The following OXNAD1 variants were observed in gnomAD, a reference collection of about 807,000 sequenced individuals.
OXNAD1 encodes oxidoreductase NAD binding domain containing 1.
Under a neutral mutation model 32.9 loss-of-function variants are expected in OXNAD1, and 34 were observed. The ratio of observed to expected loss-of-function variants is 1.03; its 90% CI spans 0.79 to 1.38. The LOEUF (loss-of-function observed/expected upper bound fraction) is 1.38. OXNAD1 is among the 40% of genes most tolerant of loss of function. The pLI is 0.00. For missense variants in OXNAD1, 407 were observed against 379.4 expected, an observed-to-expected ratio of 1.07 and a Z score of -0.60; for synonymous variants, 134 against 135.2, an observed-to-expected ratio of 0.99 and a Z score of 0.06.
At chr3:16,292,106 T>G (rs1163638857) in intron 5 of OXNAD1, among the ~76,000 whole-genome samples, 2 of 152,106 alleles carry the variant, frequency 1.3e-5, no homozygotes, top group Admixed American at 1.3e-4. Flanking sequence ...GTAAGAGTTC[T>G]TTATATAATC....
At chr3:16,341,446 T>C (rs947302056), downstream of OXNAD1, among the ~76,000 whole-genome samples, 1 of 152,168 alleles carries the variant, frequency 6.6e-6, no homozygotes, top group Non-Finnish European at 1.5e-5. The surrounding 1 kb of genome is among the most constrained non-coding windows in gnomAD (Gnocchi z 4.7). Flanking sequence ...AGTGGAACCA[T>C]ACAATGAAAT....
At position 16,271,555 on chromosome 3, in the gene OXNAD1, A is replaced by G; in HGVS notation, c.120-104A>G. 1 of 968,988 alleles carries G rather than the reference A, an allele frequency of 1.0e-6. No homozygotes were observed. The highest frequency in any genetic ancestry group is 1.8e-5 in the South Asian group (1 of 55,584). The allele number at this position is 968,988 out of a possible 1,614,324, so 60.0% of individuals were successfully genotyped here. A position where few individuals can be genotyped will look rare whatever the true frequency, so the allele number is the denominator to read the frequency against. On this transcript the variant is annotated intron_variant, in intron 3 of 8. Transcript: ENST00000285083. The surrounding 1 kb of genome is among the most constrained non-coding windows in gnomAD (Gnocchi z 4.6). ...TCACTGGCCATTTTATAGGATCTGT[A>G]ATGTTACACTGTATTTAGGATAACC...
chr3:16,295,718 C>A (rs1009908938), intron 6 of OXNAD1, among the ~76,000 whole-genome samples: 1 of 152,084 alleles, frequency 6.6e-6, no homozygotes, highest in Non-Finnish European at 1.5e-5. Context: ...GCAAGAGTGT[C>A]TTCTATATTT....
Position 16,305,501 on chromosome 3 carries a change from G to A in OXNAD1, c.*1939G>A, listed in dbSNP as rs2067487383. Reference sequence around the variant, plus strand: ...TTCATCCTTTCAGTGCCATTATTCTGGTGCTAAGTGCTGAAGAACATTTTC... The same window carrying A: ...TTCATCCTTTCAGTGCCATTATTCTAGTGCTAAGTGCTGAAGAACATTTTC... On this transcript the variant is annotated 3_prime_UTR_variant, in exon 9 of 9. Coordinates refer to ENST00000285083, the MANE Select transcript of OXNAD1 (RefSeq NM_138381.5). The surrounding 1 kb of genome is among the most constrained non-coding windows in gnomAD (Gnocchi z 4.5). 6.6e-6 allele frequency: 1 copy of A among 152,194 alleles called. No individual in the cohort carries two copies. The allele number at this position is 152,194 out of a possible 1,614,324, so 9.4% of individuals were successfully genotyped here.
At chr3:16,310,532 A>T (rs934052313), downstream of OXNAD1, among the ~76,000 whole-genome samples, 1 of 152,246 alleles carries the variant, frequency 6.6e-6, no homozygotes, top group Admixed American at 6.5e-5. Flanking sequence ...ACATTAAAGG[A>T]TGAAAAGCCA....
chr3:16,294,633 T>C lies in OXNAD1; in HGVS notation c.291-223T>C, dbSNP rs576178606. Among the ~76,000 whole-genome samples the C allele has an allele frequency of 2.6e-5, 4 of 152,358 alleles. No homozygotes were observed. In the East Asian group the frequency reaches 5.8e-4, roughly 22 times the overall value. On this transcript the variant is annotated intron_variant, in intron 5 of 8. Coordinates refer to ENST00000285083, the MANE Select transcript of OXNAD1 (RefSeq NM_138381.5). Reference sequence around the variant, plus strand: ...TTGGTAGTTTATGTCATTTTAGGAATGTGTGCATTTCATGTAAGTTAGCTA... The same window carrying C: ...TTGGTAGTTTATGTCATTTTAGGAACGTGTGCATTTCATGTAAGTTAGCTA...
At chr3:16,269,734 A>C (rs1377082303) in intron 2 of OXNAD1, among the ~76,000 whole-genome samples, 1 of 152,224 alleles carries the variant, frequency 6.6e-6, no homozygotes, top group Non-Finnish European at 1.5e-5. Flanking sequence ...ATGAATATGG[A>C]GTAGGAATGT....
intron 4 of OXNAD1, among the ~76,000 whole-genome samples, chr3:16,282,990 AT>A (rs1207160603): frequency 6.6e-6 from 1 of 152,066 alleles, no homozygotes; most frequent in Non-Finnish European, 1.5e-5. Flanking sequence ...GAAGAAAGAA[AT>A]TCTCAGCTTA....
At position 16,327,646 on chromosome 3, in the gene OXNAD1, A is replaced by G. The variant is rs1247358306; in HGVS notation, c.*31-9466A>G. On this transcript the variant is annotated intron_variant, in intron 9 of 9. Coordinates refer to the OXNAD1 transcript ENST00000435829. This position sits in a 1 kb window ranked among gnomAD's most constrained non-coding sequence, Gnocchi z 4.2. The stretch of plus-strand genomic sequence containing the variant: ...CCTGGTGGCGGGCGCCTGTAGTCCC[A>G]GCTACTCGGGAGGCTGAGGCAGGAG... Among the ~76,000 whole-genome samples the G allele has an allele frequency of 6.6e-6, 1 of 152,094 alleles. No homozygotes were observed. Among genetic ancestry groups the G allele is most frequent in the Non-Finnish European group, 1.5e-5 (1 of 68,022 alleles).
At chr3:16,274,691 G>A (rs1282717637) in intron 4 of OXNAD1, among the ~76,000 whole-genome samples, 1 of 152,188 alleles carries the variant, frequency 6.6e-6, no homozygotes, top group Admixed American at 6.5e-5. Context: ...GTCTTGATAA[G>A]TAACTTGCCC....
downstream of OXNAD1, among the ~76,000 whole-genome samples, chr3:16,340,281 T>C (rs946980868): frequency 1.3e-5 from 2 of 152,256 alleles, no homozygotes; most frequent in Admixed American, 6.5e-5. Flanking sequence ...TGAAATAAGC[T>C]AGCACATTGG....
intron 9 of OXNAD1, among the ~76,000 whole-genome samples, chr3:16,347,235 A>G (rs1484887831): frequency 6.6e-6 from 1 of 152,206 alleles, no homozygotes; most frequent in East Asian, 1.9e-4. Flanking sequence ...ACATGCAAAC[A>G]TACTGTCAAG....
At chr3:16,279,569 G>C (rs1413701797) in intron 4 of OXNAD1, among the ~76,000 whole-genome samples, 1 of 151,928 alleles carries the variant, frequency 6.6e-6, no homozygotes. Context: ...TCAGGACTCA[G>C]CCCAGGAATG....
chr3:16,313,180 G>A (rs2068089756), intron 9 of OXNAD1, among the ~76,000 whole-genome samples: 1 of 142,070 alleles, frequency 7.0e-6, no homozygotes, highest in Non-Finnish European at 1.5e-5. Context: ...CAAGTAGCTG[G>A]TACATGTACC....
At chr3:16,339,434 C>T (rs1044140270), downstream of OXNAD1, 2 of 152,234 alleles carry the variant, frequency 1.3e-5, no homozygotes, top group African/African-American at 4.8e-5. Context: ...ACACATCAGA[C>T]ATCTGGCTGT....
intron 9 of OXNAD1, among the ~76,000 whole-genome samples, chr3:16,311,633 TG>T (rs1436574688): frequency 6.6e-6 from 1 of 152,196 alleles, no homozygotes; most frequent in Non-Finnish European, 1.5e-5. Context: ...CCCAATCATT[TG>T]CAAAATCCAG....
In OXNAD1 at chr3:16,297,865, G is replaced by A. The variant is rs1197527984; in HGVS notation, c.432+2868G>A. Among the ~76,000 whole-genome samples, 3 of 152,198 alleles carry A rather than the reference G, an allele frequency of 2.0e-5. No individual in the cohort carries two copies. The highest frequency in any genetic ancestry group is 2.9e-5 in the Non-Finnish European group (2 of 68,042). On this transcript the variant is annotated intron_variant, in intron 6 of 8. Coordinates refer to ENST00000285083, the MANE Select transcript of OXNAD1 (RefSeq NM_138381.5). This position sits in a 1 kb window ranked among gnomAD's most constrained non-coding sequence, Gnocchi z 4.3. ...TCGATAGCACAGGGGAATATTTTCAGGGGGTGATGGAACTAATATATGTTT... is the reference window on the plus strand; with the variant it reads ...TCGATAGCACAGGGGAATATTTTCAAGGGGTGATGGAACTAATATATGTTT...
chr3:16,338,903 C>T (rs746491867), downstream of OXNAD1, among the ~76,000 whole-genome samples: 5 of 152,318 alleles, frequency 3.3e-5, no homozygotes, highest in South Asian at 2.1e-4. This position sits in a 1 kb window ranked among gnomAD's most constrained non-coding sequence, Gnocchi z 5.3. Flanking sequence ...AAACTGTCAA[C>T]GTTGTCCCCT....
chr3:16,295,538 G>A (rs2066726284), intron 6 of OXNAD1, among the ~76,000 whole-genome samples: 1 of 151,970 alleles, frequency 6.6e-6, no homozygotes, highest in African/African-American at 2.4e-5. Context: ...TTCACCACAG[G>A]GCTCAACACA....
Sources: gnomAD v4.1 joint callset for allele counts (sites outside exome capture counted in the v4.1 genomes callset) on GRCh38, gnomAD v4.1.1 for gene constraint, Gnocchi (gnomAD v3.1) non-coding constraint, MANE v1.5 for transcripts, NCBI Gene and HGNC (gene_info 2026-07-23, HGNC 2026-07-21) for gene names.